Variants in KCNK2 observed in about 807,000 individuals in gnomAD.
KCNK2 encodes potassium two pore domain channel subfamily K member 2, also known as potassium channel subfamily K member 2.
KCNK2 carries 21 observed loss-of-function variants against 40.5 expected under a neutral mutation model. That is an observed-to-expected ratio of 0.52 (90% CI 0.37 to 0.75). KCNK2 has a LOEUF of 0.75. Among genes scored for constraint, KCNK2 ranks in the 30% least tolerant of loss-of-function variants. The pLI, the probability that KCNK2 is intolerant of heterozygous loss-of-function variation, is 0.00. For missense variants in KCNK2, 399 were observed against 531.6 expected (o/e 0.75, Z 2.45); for synonymous variants, 191 against 202.2 (o/e 0.94, Z 0.47).
upstream of KCNK2, chr1:215,005,678 A>C: frequency 2.3e-6 from 1 of 427,482 alleles, no homozygotes. Flanking sequence ...CCTGAACCAG[A>C]CTGTAAAAAC....
intron 5 of KCNK2, among the ~76,000 whole-genome samples, chr1:215,191,493 T>G (rs537807762): frequency 6.6e-6 from 1 of 152,062 alleles, no homozygotes; most frequent in Non-Finnish European, 1.5e-5. Flanking sequence ...CTGAGCTATA[T>G]TTTTTGTAGT....
intron 2 of KCNK2, among the ~76,000 whole-genome samples, chr1:215,101,786 C>G (rs1215739053): frequency 1.3e-5 from 2 of 151,840 alleles, no homozygotes; most frequent in East Asian, 3.9e-4. Context: ...AATGTCATAT[C>G]TCAATGCATT....
At chr1:215,211,519 G>A (rs552631669) in intron 6 of KCNK2, among the ~76,000 whole-genome samples, 1 of 152,090 alleles carries the variant, frequency 6.6e-6, no homozygotes, top group East Asian at 1.9e-4. Flanking sequence ...TCCATACAAC[G>A]TGCTAACTTA....
chr1:215,152,115 T>G (rs967756785), intron 3 of KCNK2, among the ~76,000 whole-genome samples: 4 of 152,178 alleles, frequency 2.6e-5, no homozygotes, highest in Non-Finnish European at 5.9e-5. Flanking sequence ...CCTGATATAG[T>G]ACATTAACAT....
At chr1:215,089,077 G>A (rs901512106) in intron 2 of KCNK2, among the ~76,000 whole-genome samples, 1 of 152,136 alleles carries the variant, frequency 6.6e-6, no homozygotes, top group African/African-American at 2.4e-5. Flanking sequence ...AGGTAAATAA[G>A]CCAATAATCA....
intron 6 of KCNK2, among the ~76,000 whole-genome samples, chr1:215,224,766 T>G (rs749250651): frequency 6.6e-6 from 1 of 152,144 alleles, no homozygotes; most frequent in Non-Finnish European, 1.5e-5. Context: ...TGAATTACAC[T>G]TTAGTCAAAA....
At chr1:215,212,425 TG>T (rs771482108) in intron 6 of KCNK2, among the ~76,000 whole-genome samples, 1 of 152,182 alleles carries the variant, frequency 6.6e-6, no homozygotes, top group Non-Finnish European at 1.5e-5. Flanking sequence ...GGCATGTATT[TG>T]ATTTGAAAGG....
chr1:215,099,768 T>G (rs1660132708), intron 2 of KCNK2, among the ~76,000 whole-genome samples: 1 of 152,012 alleles, frequency 6.6e-6, no homozygotes, highest in African/African-American at 2.4e-5. Flanking sequence ...CATGGTTTCT[T>G]GGCTATTGTA....
Position 215,083,192 on chromosome 1 carries a change from G to C in KCNK2, c.-194G>C. 4.6e-5 allele frequency: 44 copies of C among 959,148 alleles called. No homozygotes were observed. Among genetic ancestry groups the C allele is most frequent in the South Asian group, 2.1e-4 (15 of 71,734 alleles). 59.4% of individuals were successfully genotyped at this position (959,148 alleles called of 1,614,324 possible). On this transcript the variant is annotated 5_prime_UTR_variant, in exon 1 of 7. Transcript: ENST00000444842. ...TTCCCGCGATTTCGTTTCTTCTCACGCTCCCCCCCCCGCCCCCTCCCGCGT... is the reference window on the plus strand; with the variant it reads ...TTCCCGCGATTTCGTTTCTTCTCACCCTCCCCCCCCCGCCCCCTCCCGCGT...
Position 215,141,496 on chromosome 1 carries a change from G to A in KCNK2, c.475+16746G>A, listed in dbSNP as rs200212163. On this transcript the variant is annotated intron_variant, in intron 3 of 6. Transcript: ENST00000444842. ...TGGTCTATCTGTGACCAAATGTTAC[G>A]CAGCACATGACTGTATCTTGTTATT... Among the ~76,000 whole-genome samples the A allele has an allele frequency of 2.2e-4, 33 of 152,144 alleles. No homozygotes were observed. In the East Asian group the frequency reaches 2.7e-3, roughly 12 times the overall value.
chr1:215,133,380 C>T (rs1462322877), intron 3 of KCNK2, among the ~76,000 whole-genome samples: 1 of 152,110 alleles, frequency 6.6e-6, no homozygotes, highest in Non-Finnish European at 1.5e-5. Context: ...GTCATTCCCC[C>T]TTCCTAACTT....
intron 2 of KCNK2, among the ~76,000 whole-genome samples, chr1:215,089,175 A>C (rs1291463966): frequency 6.6e-6 from 1 of 152,166 alleles, no homozygotes; most frequent in Non-Finnish European, 1.5e-5. Flanking sequence ...ATCATCCCTT[A>C]AAACCTCGTA....
At chr1:215,063,814 G>A (rs374926648) in intron 1 of KCNK2, among the ~76,000 whole-genome samples, 8 of 152,258 alleles carry the variant, frequency 5.3e-5, no homozygotes, top group South Asian at 2.1e-4. Flanking sequence ...CATTAGAACC[G>A]GAGGGATAGG....
chr1:215,081,623 A>T (rs181691496), upstream of KCNK2, among the ~76,000 whole-genome samples: 295 of 152,254 alleles, frequency 1.9e-3, no homozygotes, highest in Admixed American at 2.6e-3. Context: ...TTTCACTAAG[A>T]AGTTCTTGTA....
At chr1:215,231,071 C>T (rs1666643381) in intron 6 of KCNK2, among the ~76,000 whole-genome samples, 1 of 152,094 alleles carries the variant, frequency 6.6e-6, no homozygotes, top group South Asian at 2.1e-4. Flanking sequence ...TTAGTGCAAA[C>T]CTGTGAGATC....
chr1:215,024,344 ACT>A (rs572368138), intron 1 of KCNK2, among the ~76,000 whole-genome samples: 240 of 152,174 alleles, frequency 1.6e-3, no homozygotes, highest in African/African-American at 5.6e-3. Flanking sequence ...TCCATATCAG[ACT>A]CTCATACGGT....
chr1:215,086,844 C>A (rs565288942), intron 2 of KCNK2, among the ~76,000 whole-genome samples, 166 bp downstream of exon 2: 15 of 152,284 alleles, frequency 9.9e-5, no homozygotes, highest in Middle Eastern at 3.4e-3. Flanking sequence ...TGTCTCATTT[C>A]CACTTCTCCT....
At chr1:215,175,260 TCAA>T (rs1663910581) in intron 5 of KCNK2, among the ~76,000 whole-genome samples, 1 of 152,172 alleles carries the variant, frequency 6.6e-6, no homozygotes, top group African/African-American at 2.4e-5. Flanking sequence ...GATTAGGACT[TCAA>T]CATATCTTGG....
intron 1 of KCNK2, among the ~76,000 whole-genome samples, chr1:215,062,761 T>G (rs1658403016): frequency 6.6e-6 from 1 of 151,964 alleles, no homozygotes; most frequent in Admixed American, 6.6e-5. Flanking sequence ...CTTTTAAATT[T>G]CTTTGGTATT....
Sources: allele counts gnomAD v4.1 joint callset (sites outside exome capture counted in the v4.1 genomes callset), GRCh38; gene constraint gnomAD v4.1.1; transcripts MANE v1.5; gene names NCBI Gene and HGNC (gene_info 2026-07-23, HGNC 2026-07-21).